The following THOC2 variants were observed in gnomAD, a reference collection of about 807,000 sequenced individuals.
THOC2 encodes the protein THO complex 2.
THOC2 carries 10 observed loss-of-function variants against 128.4 expected under a neutral mutation model. The ratio of observed to expected loss-of-function variants is 0.08; its 90% CI spans 0.05 to 0.13. The LOEUF is 0.13. THOC2 is among the 10% of genes least tolerant of loss of function. The pLI is 1.00. For missense variants in THOC2, 535 were observed against 1,155.7 expected, an observed-to-expected ratio of 0.46 and a Z score of 7.79; for synonymous variants, 393 against 396.9, an observed-to-expected ratio of 0.99 and a Z score of 0.12.
At chrX:123,687,458 T>C (rs1347454010) in intron 7 of THOC2, among the ~76,000 whole-genome samples, 1 of 111,756 alleles carries the variant, frequency 8.9e-6, no homozygotes, top group Non-Finnish European at 1.9e-5. Flanking sequence ...AACCACTTCA[T>C]TGGGCTAACA....
At chrX:123,674,502 T>A (rs1408366917) in intron 8 of THOC2, among the ~76,000 whole-genome samples, 2 of 111,876 alleles carry the variant, frequency 1.8e-5, no homozygotes, top group African/African-American at 6.5e-5. Flanking sequence ...GATCATGATT[T>A]TTTATACATT....
chrX:123,722,841 AC>A (rs2051764932), intron 1 of THOC2, among the ~76,000 whole-genome samples: 1 of 112,028 alleles, frequency 8.9e-6, no homozygotes, highest in South Asian at 3.7e-4. Context: ...CAACTCAATA[AC>A]AAAAAAGGCA....
intron 21 of THOC2, among the ~76,000 whole-genome samples, chrX:123,632,385 G>A (rs1243883732): frequency 9.3e-6 from 1 of 107,341 alleles, no homozygotes; most frequent in Non-Finnish European, 1.9e-5. Flanking sequence ...CAGCTACTCG[G>A]GAGGCTGAGG....
intron 15 of THOC2, among the ~76,000 whole-genome samples, chrX:123,642,253 G>A (rs749384455): frequency 4.8e-4 from 53 of 109,467 alleles, no homozygotes; most frequent in Non-Finnish European, 9.5e-4. Flanking sequence ...GTGAAACCCC[G>A]TCTCTACTAA....
chrX:123,643,473 C>A (rs2048008154), intron 15 of THOC2, among the ~76,000 whole-genome samples: 1 of 111,414 alleles, frequency 9.0e-6, no homozygotes, highest in Non-Finnish European at 1.9e-5. Flanking sequence ...ATTAAACAAT[C>A]CATGCAGAGC....
rs777802888 is a variant in THOC2, at chrX:123,680,191, C to T, written c.768+6357G>A. ...CTCCTCCCTGGGCAATGGAATGTCT[C>T]GGTGTAAAACCCGATCATATATTCC... On this transcript the variant is annotated intron_variant, in intron 8 of 38. Coordinates refer to ENST00000245838, the MANE Select transcript of THOC2 (RefSeq NM_001081550.2). Among the ~76,000 whole-genome samples the T allele has an allele frequency of 2.3e-3, 254 of 111,099 alleles. 1 individual carries two copies. The highest frequency in any genetic ancestry group is 8.0e-3 in the African/African-American group (244 of 30,518).
At chrX:123,608,070 G>A (rs772892525) in intron 38 of THOC2, among the ~76,000 whole-genome samples, 64 of 110,365 alleles carry the variant, frequency 5.8e-4, no homozygotes, top group African/African-American at 1.8e-3. Context: ...GCAACATGGC[G>A]AAACCCCGTT....
At chrX:123,636,517 C>A (rs973927124) in intron 18 of THOC2, among the ~76,000 whole-genome samples, 3 of 111,613 alleles carry the variant, frequency 2.7e-5, no homozygotes, top group African/African-American at 9.8e-5. Context: ...CAGCCTGATT[C>A]CAGAGTTTGT....
intron 15 of THOC2, among the ~76,000 whole-genome samples, chrX:123,641,514 G>T (rs909960891): frequency 1.8e-5 from 2 of 111,467 alleles, no homozygotes; most frequent in African/African-American, 6.5e-5. Context: ...TCCCAGTTTT[G>T]GTTTCATAGA....
At chrX:123,611,016 A>C in intron 37 of THOC2, 53 bp from the exon 38 acceptor site, 3 of 1,138,451 alleles carry the variant, frequency 2.6e-6, no homozygotes, top group Non-Finnish European at 3.6e-6. Flanking sequence ...AAAGAACAGC[A>C]TCTCCCCTTT....
chrX:123,691,934 A>G (rs1045132488), intron 7 of THOC2, among the ~76,000 whole-genome samples: 1 of 112,073 alleles, frequency 8.9e-6, no homozygotes, highest in Non-Finnish European at 1.9e-5. Context: ...TTTATGTACT[A>G]TCTATAGCTG....
At chrX:123,610,656 T>G (rs1199882329) in intron 38 of THOC2, among the ~76,000 whole-genome samples, 1 of 111,550 alleles carries the variant, frequency 9.0e-6, no homozygotes. Flanking sequence ...TGGGAATAAG[T>G]GGTGAAGAGA....
Position 123,667,759 on chromosome X carries a change from TA to T in THOC2, c.1017+399del, listed in dbSNP as rs1254245260. Among the ~76,000 whole-genome samples, 53 of 102,120 alleles carry T rather than the reference TA, an allele frequency of 5.2e-4. No individual in the cohort carries two copies. In the East Asian group the frequency reaches 7.2e-3, roughly 14 times the overall value. 88.7% of individuals were successfully genotyped at this position (102,120 alleles called of 115,157 possible). ...GTCTCAAAAATAATAATAAATTTAT[TA>T]AAAAAAAAAACAGACACAGGCATTA... On this transcript the variant is annotated intron_variant, in intron 10 of 38. Coordinates refer to ENST00000245838, the MANE Select transcript of THOC2 (RefSeq NM_001081550.2).
intron 12 of THOC2, among the ~76,000 whole-genome samples, chrX:123,657,513 GA>G (rs201795262): frequency 0.017 from 1,836 of 110,527 alleles, 14 homozygotes; most frequent in Non-Finnish European, 0.026. Context: ...CAAAGAAAAA[GA>G]AAAAATCCTA....
In THOC2 at chrX:123,626,688, T is replaced by G. The variant is rs777332435; in HGVS notation, c.2758-26A>C. On this transcript the variant is annotated intron_variant, in intron 23 of 38. Transcript: ENST00000245838. ...CTACAAAGAATTCAATTAGACACTTTTCTAACTATATGCACATTACCTTTC... is the reference window on the plus strand; with the variant it reads ...CTACAAAGAATTCAATTAGACACTTGTCTAACTATATGCACATTACCTTTC... The G allele has an allele frequency of 2.6e-6, 3 of 1,166,068 alleles. No homozygotes were observed. In the African/African-American group the frequency reaches 5.5e-5, roughly 21 times the overall value.
chrX:123,707,915 C>G (rs967461876), intron 2 of THOC2, among the ~76,000 whole-genome samples: 3 of 106,824 alleles, frequency 2.8e-5, no homozygotes, highest in Non-Finnish European at 5.8e-5. Flanking sequence ...ACGGCTTGAG[C>G]CTAGGAGTTC....
chrX:123,660,750 T>C (rs1353087143), intron 12 of THOC2, among the ~76,000 whole-genome samples: 1 of 112,330 alleles, frequency 8.9e-6, no homozygotes, highest in Non-Finnish European at 1.9e-5. Context: ...GTACAAATAT[T>C]TGTACATATT....
At chrX:123,690,413 G>A (rs990733517) in intron 7 of THOC2, among the ~76,000 whole-genome samples, 8 of 111,919 alleles carry the variant, frequency 7.1e-5, no homozygotes, top group Admixed American at 6.7e-4. Context: ...AAACTATAGC[G>A]ATTAATAAAA....
intron 18 of THOC2, among the ~76,000 whole-genome samples, chrX:123,637,760 GA>G (rs1043219180): frequency 2.8e-5 from 3 of 107,303 alleles, no homozygotes; most frequent in South Asian, 4.1e-4. Context: ...ACTCCATCTC[GA>G]AAAAAAAATA....
Sources: allele counts gnomAD v4.1 joint callset (sites outside exome capture counted in the v4.1 genomes callset), GRCh38; gene constraint gnomAD v4.1.1; transcripts MANE v1.5; gene names NCBI Gene and HGNC (gene_info 2026-07-23, HGNC 2026-07-21).